Variants in ZNF880 observed in about 807,000 individuals in gnomAD.
ZNF880 encodes zinc finger protein 880, also known as zinc finger protein LOC400713.
Under a neutral mutation model 11.8 loss-of-function variants are expected in ZNF880, and 12 were observed. That is an observed-to-expected ratio of 1.02 (90% CI 0.65 to 1.65). The LOEUF (loss-of-function observed/expected upper bound fraction) is 1.65, where lower values mean the gene tolerates loss of function less well. Among genes scored for constraint, ZNF880 ranks in the 40% most tolerant of loss-of-function variants. The pLI, the probability that ZNF880 is intolerant of heterozygous loss-of-function variation, is 0.00. For missense variants in ZNF880, 601 were observed against 673.9 expected, an observed-to-expected ratio of 0.89 and a Z score of 1.20; for synonymous variants, 210 against 232.4, an observed-to-expected ratio of 0.90 and a Z score of 0.88.
intron 3 of ZNF880, among the ~76,000 whole-genome samples, chr19:52,382,156 C>G (rs1054399948): frequency 6.6e-6 from 1 of 151,896 alleles, no homozygotes; most frequent in African/African-American, 2.4e-5. Flanking sequence ...TGCCTATAAT[C>G]CCAGCTACTA....
chr19:52,377,895 T>C (rs192918079), intron 3 of ZNF880, among the ~76,000 whole-genome samples: 23 of 152,172 alleles, frequency 1.5e-4, no homozygotes, highest in African/African-American at 5.5e-4. Context: ...TCACAGGCTG[T>C]AGTGAAGTGG....
chr19:52,388,282 C>CTTTTTTTTTTT (rs68179783), downstream of ZNF880, among the ~76,000 whole-genome samples: 1,338 of 63,326 alleles, frequency 0.021, 410 homozygotes, highest in African/African-American at 0.053. Context: ...GCAATTTGAA[C>CTTTTTTTTTTT]TTTTTTTTTT....
upstream of ZNF880, among the ~76,000 whole-genome samples, chr19:52,369,742 A>T (rs1202513194): frequency 6.6e-6 from 1 of 152,046 alleles, no homozygotes; most frequent in Admixed American, 6.6e-5. Context: ...CCTGGATCTA[A>T]TCATCAACAA....
intron 3 of ZNF880, among the ~76,000 whole-genome samples, chr19:52,378,336 G>C (rs1246622188): frequency 6.6e-6 from 1 of 152,122 alleles, no homozygotes; most frequent in Non-Finnish European, 1.5e-5. Context: ...AGCAGAATGG[G>C]AAAGACAGTT....
At chr19:52,392,007 A>G in the ZNF880 span, among the ~76,000 whole-genome samples, 56 of 152,306 alleles carry the variant, frequency 3.7e-4, no homozygotes, top group African/African-American at 1.3e-3. Context: ...GTGTTCTCTA[A>G]TTGAACTCAA....
At chr19:52,393,020 T>C in the ZNF880 span, among the ~76,000 whole-genome samples, 1 of 151,574 alleles carries the variant, frequency 6.6e-6, no homozygotes, top group Non-Finnish European at 1.5e-5. Context: ...TGGGAAACTC[T>C]GCAACTGGGA....
chr19:52,382,579 T>A (rs933948765), intron 3 of ZNF880, among the ~76,000 whole-genome samples: 9 of 152,176 alleles, frequency 5.9e-5, no homozygotes, highest in South Asian at 2.1e-4. Context: ...TTGCTTTTTT[T>A]AAAAAAGTAT....
intron 3 of ZNF880, among the ~76,000 whole-genome samples, chr19:52,381,687 G>A (rs1466255137): frequency 6.6e-6 from 1 of 151,858 alleles, no homozygotes; most frequent in African/African-American, 2.4e-5. Flanking sequence ...GCCTTTTGTA[G>A]TATTTTGCTT....
the ZNF880 span, among the ~76,000 whole-genome samples, chr19:52,393,826 G>GAC: frequency 1.3e-4 from 16 of 122,000 alleles, no homozygotes; most frequent in African/African-American, 3.7e-4. Context: ...GTATTTCTTT[G>GAC]CCCCCCCCCT....
chr19:52,368,234 A>G (rs1004455171), upstream of ZNF880, among the ~76,000 whole-genome samples: 2 of 151,646 alleles, frequency 1.3e-5, no homozygotes, highest in African/African-American at 2.4e-5. Context: ...TAATACTGTA[A>G]CACAATTTCT....
chr19:52,374,463 A>AT (rs376324069), intron 3 of ZNF880, 36 bp downstream of exon 3: 54,671 of 1,090,664 alleles, frequency 0.05, no homozygotes, highest in Non-Finnish European at 0.057. Flanking sequence ...AGGCCCCATA[A>AT]TTTTTTTTTT....
chr19:52,374,670 C>T (rs949325587), intron 3 of ZNF880: 40 of 644,290 alleles, frequency 6.2e-5, no homozygotes, highest in African/African-American at 5.5e-4. Context: ...TGGGAGCTCT[C>T]TGCAAGTGAG....
chr19:52,382,107 C>T (rs1986722640), intron 3 of ZNF880, among the ~76,000 whole-genome samples: 1 of 151,992 alleles, frequency 6.6e-6, no homozygotes, highest in Non-Finnish European at 1.5e-5. Flanking sequence ...AACCCCGTCT[C>T]TACTAAAAAT....
upstream of ZNF880, among the ~76,000 whole-genome samples, chr19:52,368,217 ATAATAAT>A (rs777292656): frequency 7.0e-5 from 10 of 142,042 alleles, no homozygotes; most frequent in East Asian, 2.0e-4. Flanking sequence ...AAAAAAAAAA[ATAATAAT>A]AATACTGTAA....
the ZNF880 span, chr19:52,395,644 G>C: frequency 6.6e-6 from 1 of 152,202 alleles, no homozygotes; most frequent in Non-Finnish European, 1.5e-5. Flanking sequence ...AAACCACCCA[G>C]TGCAGATGCA....
downstream of ZNF880, chr19:52,390,330 A>G (rs1049373511): frequency 4.9e-6 from 2 of 411,920 alleles, no homozygotes; most frequent in African/African-American, 2.1e-5. Flanking sequence ...ACGCAGCCCC[A>G]GTCCCAGGGA....
At chr19:52,382,820 T>C (rs1189248953) in intron 3 of ZNF880, among the ~76,000 whole-genome samples, 2 of 152,206 alleles carry the variant, frequency 1.3e-5, no homozygotes, top group Non-Finnish European at 2.9e-5. Context: ...TGAATTTGTA[T>C]ATTTATTTCT....
chr19:52,386,861 T>G (rs1212043455), downstream of ZNF880, among the ~76,000 whole-genome samples: 1 of 142,848 alleles, frequency 7.0e-6, no homozygotes, highest in Non-Finnish European at 1.5e-5. Flanking sequence ...AACAGTTGAT[T>G]AGAGAATTTA....
rs757919144 is a variant in ZNF880, at chr19:52,374,428, G to C, written c.268+1G>C. On this transcript the variant is annotated splice_donor_variant, in intron 3 of 3. Transcript: ENST00000422689. LOFTEE classifies it high-confidence loss of function. ...GAGTGCATCAAAGGTGTGAACGCAG[G>C]TAAGAGCTTGGATGGCCAGAGTGGA... 1.1e-5 allele frequency: 18 copies of C among 1,610,530 alleles called. No homozygotes were observed. Among genetic ancestry groups the C allele is most frequent in the Non-Finnish European group, 1.5e-5 (18 of 1,178,266 alleles).
Sources: gnomAD v4.1 joint callset for allele counts (sites outside exome capture counted in the v4.1 genomes callset) on GRCh38, gnomAD v4.1.1 for gene constraint, MANE v1.5 for transcripts, NCBI Gene and HGNC (gene_info 2026-07-23, HGNC 2026-07-21) for gene names.